Variants in CATSPERE observed in about 807,000 individuals in gnomAD.
CATSPERE encodes the protein catsper channel auxiliary subunit epsilon, also known as cation channel sperm-associated auxiliary subunit epsilon.
Under a neutral mutation model 114.1 loss-of-function variants are expected in CATSPERE, and 93 were observed. The observed-to-expected ratio is 0.81, with a 90% CI of 0.69 to 0.97. The LOEUF (loss-of-function observed/expected upper bound fraction) is 0.97, where lower values mean the gene tolerates loss of function less well. Ranked by LOEUF, CATSPERE falls within the 50% of genes least tolerant of loss-of-function variation. CATSPERE has a pLI of 0.00. For synonymous variants in CATSPERE, 341 were observed against 384.1 expected (o/e 0.89, Z 1.31); for missense variants, 1,058 against 1,131.6 (o/e 0.93, Z 0.93).
chr1:244,507,651 GAT>G (rs146249752), intron 7 of CATSPERE, among the ~76,000 whole-genome samples: 2 of 151,832 alleles, frequency 1.3e-5, no homozygotes, highest in African/African-American at 2.4e-5. Context: ...ATTTTGAGTT[GAT>G]ATATATATAG....
chr1:244,611,313 G>A (rs1481194691), intron 19 of CATSPERE, among the ~76,000 whole-genome samples: 1 of 152,062 alleles, frequency 6.6e-6, no homozygotes, highest in African/African-American at 2.4e-5. Context: ...AAGGGGGCCA[G>A]GCATGGTGGC....
intron 2 of CATSPERE, among the ~76,000 whole-genome samples, chr1:244,472,375 T>C (rs1572254469): frequency 6.6e-6 from 1 of 152,232 alleles, no homozygotes; most frequent in East Asian, 1.9e-4. Context: ...TTATCTAATA[T>C]CAGAGTCACA....
intron 8 of CATSPERE, among the ~76,000 whole-genome samples, chr1:244,548,177 TA>T (rs1157997895): frequency 1.3e-5 from 2 of 152,256 alleles, no homozygotes; most frequent in Non-Finnish European, 2.9e-5. Context: ...ATTTAACAAT[TA>T]AATGGATAGG....
rs897682208 is a variant in CATSPERE, at chr1:244,473,753, G to A, written c.115-3788G>A. 4.0e-5 allele frequency among the ~76,000 whole-genome samples: 6 copies of A among 151,668 alleles called. No individual in the cohort carries two copies. In the East Asian group the frequency reaches 5.8e-4, roughly 15 times the overall value. On this transcript the variant is annotated intron_variant, in intron 2 of 21. Coordinates refer to ENST00000366534, the MANE Select transcript of CATSPERE (RefSeq NM_001130957.2). ...ACTTTTTTCTTCTGGTATTTCTTTC[G>A]AACAGCATGTATTGGGTCTTGCTGT...
intron 8 of CATSPERE, among the ~76,000 whole-genome samples, chr1:244,524,274 T>A (rs1678135679): frequency 6.7e-6 from 1 of 150,022 alleles, no homozygotes; most frequent in South Asian, 2.1e-4. Context: ...CTGGGAAAAC[T>A]GGCTAGCCAT....
chr1:244,552,060 T>C (rs1660729971), intron 8 of CATSPERE, among the ~76,000 whole-genome samples: 1 of 53,252 alleles, frequency 1.9e-5, no homozygotes, highest in Non-Finnish European at 3.2e-5. Flanking sequence ...AGACACTCTG[T>C]CTCCAAAAAA....
At chr1:244,521,381 A>G (rs933063636) in intron 8 of CATSPERE, among the ~76,000 whole-genome samples, 2 of 152,090 alleles carry the variant, frequency 1.3e-5, no homozygotes, top group African/African-American at 4.8e-5. Flanking sequence ...AAATCCAGTA[A>G]TATATATGAA....
chr1:244,562,810 G>A (rs777439323), intron 10 of CATSPERE, among the ~76,000 whole-genome samples: 3 of 151,920 alleles, frequency 2.0e-5, no homozygotes, highest in Admixed American at 6.6e-5. Flanking sequence ...AGGTATACAC[G>A]TGCCATGGTG....
intron 12 of CATSPERE, among the ~76,000 whole-genome samples, chr1:244,582,698 G>A (rs756636532): frequency 6.6e-5 from 10 of 152,044 alleles, no homozygotes; most frequent in East Asian, 1.9e-4. Flanking sequence ...CACTGCACCC[G>A]CAGGAAGAAT....
chr1:244,497,333 C>A (rs1484297436), intron 6 of CATSPERE, among the ~76,000 whole-genome samples: 1 of 151,708 alleles, frequency 6.6e-6, no homozygotes, highest in Non-Finnish European at 1.5e-5. Context: ...ACAACTGATT[C>A]AAGTAAACAA....
intron 7 of CATSPERE, among the ~76,000 whole-genome samples, chr1:244,512,799 G>T (rs1675984506): frequency 6.6e-6 from 1 of 152,136 alleles, no homozygotes; most frequent in African/African-American, 2.4e-5. Context: ...TTTAATTCTG[G>T]ATGGGCACAG....
intron 6 of CATSPERE, 98 bp downstream of exon 6, chr1:244,490,569 G>T (rs1375825465): frequency 1.3e-6 from 1 of 793,998 alleles, no homozygotes; most frequent in Non-Finnish European, 2.1e-6. Flanking sequence ...TTTTTCAAAT[G>T]AATTTTGCAA....
chr1:244,582,096 A>C (rs1490756050), intron 12 of CATSPERE, among the ~76,000 whole-genome samples: 2 of 152,246 alleles, frequency 1.3e-5, no homozygotes, highest in Admixed American at 1.3e-4. Context: ...GAAGATGCAA[A>C]AAAAGGGCTG....
chr1:244,538,619 G>A (rs565117950), intron 8 of CATSPERE, among the ~76,000 whole-genome samples: 1 of 152,298 alleles, frequency 6.6e-6, no homozygotes, highest in Admixed American at 6.5e-5. Flanking sequence ...TATTCAAAGG[G>A]TAAGAGAAAT....
At chr1:244,486,568 T>C (rs1186892735) in intron 5 of CATSPERE, among the ~76,000 whole-genome samples, 1 of 102,832 alleles carries the variant, frequency 9.7e-6, no homozygotes, top group Non-Finnish European at 2.0e-5. Flanking sequence ...GGGCCAGGTG[T>C]AGACCCTCGT....
chr1:244,578,307 C>G (rs528528373), intron 11 of CATSPERE, among the ~76,000 whole-genome samples: 204 of 152,226 alleles, frequency 1.3e-3, no homozygotes, highest in Admixed American at 4.3e-3. Flanking sequence ...TGTGCACCAC[C>G]ACGCCCAGCT....
Position 244,552,561 on chromosome 1 carries a change from C to A in CATSPERE, c.776C>A (p.Thr259Asn). Residue 259 changes from threonine to asparagine, a missense_variant, in exon 9 of 22, where the codon ACC (threonine) becomes AAC (asparagine). Around this residue, in one of 2 missense-constraint regions of CATSPERE, gnomAD observed 787 missense variants for 905.6 expected, o/e 0.87. Coordinates refer to ENST00000366534, the MANE Select transcript of CATSPERE (RefSeq NM_001130957.2). ...ASAVLVTDME[T>N]FHTTDSFKSW... ...GCTGTTTTGGTGACAGATATGGAGA[C>A]CTTTCACACAACTGATTCATTCAAA... is the stretch of plus-strand genomic sequence containing the variant. 1 of 1,614,142 alleles carries A rather than the reference C, an allele frequency of 6.2e-7. No homozygotes were observed. The highest frequency in any genetic ancestry group is 1.7e-5 in the Admixed American group (1 of 60,020).
At position 244,631,125 on chromosome 1, in the gene CATSPERE, G is replaced by A. The variant is rs776874799; in HGVS notation, c.2649-4364G>A. Among the ~76,000 whole-genome samples, 32 of 152,082 alleles carry A rather than the reference G, an allele frequency of 2.1e-4. 1 individual carries two copies. The highest frequency in any genetic ancestry group is 1.2e-3 in the Admixed American group (18 of 15,262). On this transcript the variant is annotated intron_variant, in intron 20 of 21. Transcript: ENST00000366534. ...AACAACGTGTTTGTTGAGATGGAGC[G>A]TGATAAGAACTGGGTTATGCTTGCA...
chr1:244,521,017 C>T (rs907222208), intron 8 of CATSPERE, among the ~76,000 whole-genome samples: 5 of 152,106 alleles, frequency 3.3e-5, no homozygotes, highest in Admixed American at 6.5e-5. Context: ...TAATCTTATT[C>T]GTGAATGTAG....
Sources: gnomAD v4.1 joint callset for allele counts (sites outside exome capture counted in the v4.1 genomes callset) on GRCh38, gnomAD v4.1.1 for gene constraint, gnomAD v4.1.1 regional missense constraint, MANE v1.5 for transcripts, NCBI Gene and HGNC (gene_info 2026-07-23, HGNC 2026-07-21) for gene names.